The following PCP4 variants were observed in gnomAD, a reference collection of about 807,000 sequenced individuals.
The protein encoded by PCP4 is Purkinje cell protein 4, also known as calmodulin regulator protein PCP4.
Under a neutral mutation model 10.0 loss-of-function variants are expected in PCP4, and 8 were observed. That is an observed-to-expected ratio of 0.80 (90% CI 0.47 to 1.45). PCP4 has a LOEUF of 1.45. Among genes scored for constraint, PCP4 ranks in the 40% most tolerant of loss-of-function variants. The pLI is 0.00. For missense variants in PCP4, 54 were observed against 74.4 expected, an observed-to-expected ratio of 0.73 and a Z score of 1.01; for synonymous variants, 21 against 23.0, an observed-to-expected ratio of 0.91 and a Z score of 0.24.
At chr21:39,899,193 T>A (rs1423759028) in intron 2 of PCP4, among the ~76,000 whole-genome samples, 1 of 152,180 alleles carries the variant, frequency 6.6e-6, no homozygotes, top group Non-Finnish European at 1.5e-5. Context: ...ATAGAGCCAG[T>A]TGGAACCCCA....
rs114509558 is a variant in PCP4, at chr21:39,921,737, C to T, written c.62-7247C>T. Among the ~76,000 whole-genome samples the T allele has an allele frequency of 3.6e-3, 555 of 152,290 alleles. 3 individuals are homozygous for T. Among genetic ancestry groups the T allele is most frequent in the African/African-American group, 0.013 (535 of 41,562 alleles). ...AGCAAAAAGGTGGAGAGAGGCCTCA[C>T]GAGAAACCACACCTGCTAACACCTT... On this transcript the variant is annotated intron_variant, in intron 2 of 2. Coordinates refer to ENST00000328619, the MANE Select transcript of PCP4 (RefSeq NM_006198.3).
chr21:39,889,585 T>G (rs1314427401), intron 1 of PCP4, among the ~76,000 whole-genome samples: 1 of 149,750 alleles, frequency 6.7e-6, no homozygotes, highest in Admixed American at 6.6e-5. Context: ...CCTGGCTAAT[T>G]TTTTGTATTT....
At position 39,906,842 on chromosome 21, in the gene PCP4, GA is replaced by G. The variant is rs1386416555; in HGVS notation, c.61+8318del. 2.0e-5 allele frequency among the ~76,000 whole-genome samples: 3 copies of G among 152,152 alleles called. No homozygotes were observed. Among genetic ancestry groups the G allele is most frequent in the Non-Finnish European group, 4.4e-5 (3 of 68,032 alleles). On this transcript the variant is annotated intron_variant, in intron 2 of 2. Coordinates refer to ENST00000328619, the MANE Select transcript of PCP4 (RefSeq NM_006198.3). The surrounding 1 kb of genome is among the most constrained non-coding windows in gnomAD (Gnocchi z 6.3). Reference sequence around the variant, plus strand: ...AAAATGTGCATCCCTCTAGCCTTTGGAAACCTGCCCCAAGCAGGAGATATTC... The same window carrying G: ...AAAATGTGCATCCCTCTAGCCTTTGGAACCTGCCCCAAGCAGGAGATATTC...
At chr21:39,914,929 G>T (rs1350955734) in intron 2 of PCP4, among the ~76,000 whole-genome samples, 2 of 152,118 alleles carry the variant, frequency 1.3e-5, no homozygotes, top group Non-Finnish European at 2.9e-5. Flanking sequence ...GAATATCAGA[G>T]AAAAAGGAAA....
intron 1 of PCP4, among the ~76,000 whole-genome samples, chr21:39,876,864 A>G (rs1302777970): frequency 6.6e-6 from 1 of 152,202 alleles, no homozygotes; most frequent in Non-Finnish European, 1.5e-5. Context: ...GCCACTGAAC[A>G]TGGTGGCTCT....
intron 1 of PCP4, among the ~76,000 whole-genome samples, chr21:39,890,544 T>G (rs115795137): frequency 0.059 from 8,914 of 151,398 alleles, 329 homozygotes; most frequent in East Asian, 0.18. Context: ...TTAATTTTCA[T>G]TTTTAGTAGA....
At chr21:39,901,612 G>A (rs1374758982) in intron 2 of PCP4, among the ~76,000 whole-genome samples, 4 of 152,114 alleles carry the variant, frequency 2.6e-5, no homozygotes, top group Non-Finnish European at 5.9e-5. Context: ...GGTTTTTTAT[G>A]GAGGTATAAA....
At chr21:39,896,629 GTTA>G (rs1184185158) in intron 1 of PCP4, among the ~76,000 whole-genome samples, 1 of 152,102 alleles carries the variant, frequency 6.6e-6, no homozygotes, top group Non-Finnish European at 1.5e-5. Flanking sequence ...TCTTTATTGG[GTTA>G]TTGTCTGCAT....
At chr21:39,889,537 C>T (rs2087418751) in intron 1 of PCP4, among the ~76,000 whole-genome samples, 2 of 149,364 alleles carry the variant, frequency 1.3e-5, no homozygotes, top group South Asian at 2.2e-4. Flanking sequence ...CTGCCTTAGC[C>T]TCCTGAGTAG....
Position 39,922,327 on chromosome 21 carries a change from A to G in PCP4, c.62-6657A>G, listed in dbSNP as rs1168116623. ...TGCTCAATAAAGAGTGGTTTTTATT[A>G]CCATTCCATCTTTAAGAAGGGCTGC... On this transcript the variant is annotated intron_variant, in intron 2 of 2. Coordinates refer to ENST00000328619, the MANE Select transcript of PCP4 (RefSeq NM_006198.3). 2.0e-5 allele frequency among the ~76,000 whole-genome samples: 3 copies of G among 152,324 alleles called. No individual in the cohort carries two copies. In the East Asian group the frequency reaches 5.8e-4, roughly 29 times the overall value.
At chr21:39,903,867 C>CAAAAAAAAAAAAA (rs1210365373) in intron 2 of PCP4, among the ~76,000 whole-genome samples, 12 of 34,812 alleles carry the variant, frequency 3.4e-4, no homozygotes, top group African/African-American at 4.8e-4. Context: ...GACTCCGTCT[C>CAAAAAAAAAAAAA]AAAAAAAACA....
chr21:39,926,730 C>T (rs554487949), intron 2 of PCP4, among the ~76,000 whole-genome samples: 3 of 152,196 alleles, frequency 2.0e-5, no homozygotes, highest in Non-Finnish European at 4.4e-5. Flanking sequence ...GTCCCAGGCT[C>T]ATGTGATAAC....
chr21:39,879,453 T>C (rs1228834667), intron 1 of PCP4, among the ~76,000 whole-genome samples: 3 of 152,220 alleles, frequency 2.0e-5, no homozygotes, highest in Non-Finnish European at 4.4e-5. Context: ...GTCATCACTT[T>C]TTTTCTGAGT....
At position 39,922,161 on chromosome 21, in the gene PCP4, G is replaced by A. The variant is rs556590491; in HGVS notation, c.62-6823G>A. On this transcript the variant is annotated intron_variant, in intron 2 of 2. Transcript: ENST00000328619. Reference sequence around the variant, plus strand: ...GTCACCATGCCTGGCCCTGAGACTCGTAAAATTCATTTGGGACTGTCTTCA... The same window carrying A: ...GTCACCATGCCTGGCCCTGAGACTCATAAAATTCATTTGGGACTGTCTTCA... Among the ~76,000 whole-genome samples, 9 of 152,228 alleles carry A rather than the reference G, an allele frequency of 5.9e-5. No individual in the cohort carries two copies. The East Asian group carries it at 7.7e-4, about 13-fold the overall frequency.
At chr21:39,880,465 G>A (rs143376700) in intron 1 of PCP4, among the ~76,000 whole-genome samples, 1 of 148,732 alleles carries the variant, frequency 6.7e-6, no homozygotes, top group African/African-American at 2.6e-5. Context: ...GTGTGTGTGA[G>A]TGTGTGTGTG....
At chr21:39,873,124 G>A (rs541366660) in intron 1 of PCP4, among the ~76,000 whole-genome samples, 9 of 152,168 alleles carry the variant, frequency 5.9e-5, no homozygotes, top group South Asian at 2.1e-4. Context: ...TGAAACTCAA[G>A]CAAAAGAGAC....
intron 2 of PCP4, among the ~76,000 whole-genome samples, chr21:39,924,857 C>T (rs2087613045): frequency 2.0e-5 from 3 of 152,194 alleles, no homozygotes; most frequent in African/African-American, 4.8e-5. Flanking sequence ...TATTCCCTGG[C>T]CAGCTATTGG....
At chr21:39,916,436 G>A (rs549691612) in intron 2 of PCP4, among the ~76,000 whole-genome samples, 5 of 152,120 alleles carry the variant, frequency 3.3e-5, no homozygotes, top group Admixed American at 6.6e-5. Flanking sequence ...GGAAGAAAGG[G>A]CTTTTATTAT....
chr21:39,922,146 C>T (rs2087599585), intron 2 of PCP4, among the ~76,000 whole-genome samples: 1 of 152,170 alleles, frequency 6.6e-6, no homozygotes. Context: ...GTCACCATGC[C>T]TGGCCCTGAG....
Sources: gnomAD v4.1 joint callset for allele counts (sites outside exome capture counted in the v4.1 genomes callset) on GRCh38, gnomAD v4.1.1 for gene constraint, Gnocchi (gnomAD v3.1) non-coding constraint, MANE v1.5 for transcripts, NCBI Gene and HGNC (gene_info 2026-07-23, HGNC 2026-07-21) for gene names.